The following SLC24A3 variants were observed in gnomAD, a reference collection of about 807,000 sequenced individuals.
SLC24A3 encodes sodium/potassium/calcium exchanger 3.
In SLC24A3, 28 loss-of-function variants were observed where a neutral mutation model predicts 75.8. The observed-to-expected ratio is 0.37, with a 90% CI of 0.27 to 0.51. SLC24A3 has a LOEUF of 0.51. Among genes scored for constraint, SLC24A3 ranks in the 20% least tolerant of loss-of-function variants. SLC24A3 has a pLI of 0.94. For synonymous variants in SLC24A3, 372 were observed against 334.1 expected (o/e 1.11, Z -1.24); for missense variants, 663 against 847.8 (o/e 0.78, Z 2.71).
chr20:19,320,698 A>G (rs1273540542), intron 2 of SLC24A3, among the ~76,000 whole-genome samples: 5 of 152,096 alleles, frequency 3.3e-5, no homozygotes, highest in Non-Finnish European at 5.9e-5. Context: ...TGGGTGCCCA[A>G]ATCCCTGATA....
At chr20:19,477,994 T>C (rs1376873529) in intron 2 of SLC24A3, among the ~76,000 whole-genome samples, 1 of 152,186 alleles carries the variant, frequency 6.6e-6, no homozygotes, top group Non-Finnish European at 1.5e-5. Context: ...TGGACATCAA[T>C]TCCCCCTTTC....
chr20:19,520,290 TC>T (rs1209906977), intron 3 of SLC24A3, among the ~76,000 whole-genome samples: 1 of 152,166 alleles, frequency 6.6e-6, no homozygotes, highest in East Asian at 1.9e-4. Context: ...CCCTGAGATG[TC>T]CCATAGGAAA....
chr20:19,698,589 C>A lies in SLC24A3; in HGVS notation c.1628C>A (p.Ser543Tyr). The A allele has an allele frequency of 1.3e-6, 2 of 1,588,326 alleles. No individual in the cohort carries two copies. The highest frequency in any genetic ancestry group is 1.7e-6 in the Non-Finnish European group (2 of 1,165,120). The change falls in exon 15 of 17, where the codon TCC becomes TAC. Residue 543 changes from serine to tyrosine, a missense_variant. Transcript: ENST00000328041. ...GCAGGGATGGGGGACATGGCTGTGT[C>A]CAACTCCATTGGGAGCAACGTGTTT... is the stretch of plus-strand genomic sequence containing the variant. ...ARQGMGDMAV[S>Y]NSIGSNVFDI... is the part of the protein sequence containing the mutation.
intron 3 of SLC24A3, among the ~76,000 whole-genome samples, chr20:19,545,283 G>A (rs1352661011): frequency 6.6e-6 from 1 of 152,162 alleles, no homozygotes; most frequent in African/African-American, 2.4e-5. Flanking sequence ...CAGCAAGTGT[G>A]GACAAACGCA....
In SLC24A3 at chr20:19,536,508, A is replaced by G. The variant is rs993800658; in HGVS notation, c.348+20944A>G. 1.1e-4 allele frequency among the ~76,000 whole-genome samples: 16 copies of G among 152,230 alleles called. 1 individual carries two copies. The highest frequency in any genetic ancestry group is 7.2e-4 in the Admixed American group (11 of 15,282). ...TCAAGCTACCAATGACTTTCTTCAC[A>G]GAATTGGGAAAAACTACTTTAAAGT... On this transcript the variant is annotated intron_variant, in intron 3 of 16. Transcript: ENST00000328041.
chr20:19,291,136 C>T (rs1332274403), intron 2 of SLC24A3, among the ~76,000 whole-genome samples: 3 of 152,190 alleles, frequency 2.0e-5, no homozygotes, highest in Non-Finnish European at 2.9e-5. Context: ...GGTAACAGGG[C>T]GAGGTGCCCC....
intron 12 of SLC24A3, among the ~76,000 whole-genome samples, chr20:19,686,996 C>G (rs922431394): frequency 9.2e-5 from 14 of 152,218 alleles, no homozygotes; most frequent in Non-Finnish European, 4.4e-5. Context: ...CCTTTCCTCC[C>G]TTGTAAACCC....
intron 2 of SLC24A3, among the ~76,000 whole-genome samples, chr20:19,424,745 C>A (rs6112373): frequency 0.011 from 519 of 49,044 alleles, 9 homozygotes; most frequent in South Asian, 0.015. Context: ...AAAACAACAA[C>A]AAAAAAAAAA....
chr20:19,462,263 C>T (rs1037862584), intron 2 of SLC24A3, among the ~76,000 whole-genome samples: 2 of 145,316 alleles, frequency 1.4e-5, no homozygotes, highest in Non-Finnish European at 3.0e-5. Context: ...AGGCAGATGG[C>T]GGGTGGCTTT....
At chr20:19,314,434 C>G (rs1232482276) in intron 2 of SLC24A3, among the ~76,000 whole-genome samples, 1 of 151,942 alleles carries the variant, frequency 6.6e-6, no homozygotes, top group Non-Finnish European at 1.5e-5. Flanking sequence ...CCCACCTCAG[C>G]CTCCTGAGTA....
intron 2 of SLC24A3, among the ~76,000 whole-genome samples, chr20:19,389,739 T>C (rs2122386695): frequency 6.6e-6 from 1 of 152,346 alleles, no homozygotes; most frequent in Admixed American, 6.5e-5. Flanking sequence ...TATTTGGGGC[T>C]CTTTGGAATT....
chr20:19,310,981 A>G (rs1383876521), intron 2 of SLC24A3, among the ~76,000 whole-genome samples: 2 of 151,806 alleles, frequency 1.3e-5, no homozygotes, highest in Admixed American at 6.6e-5. Flanking sequence ...CCCTCTATGT[A>G]ATCTTCCTTC....
At chr20:19,233,478 A>G (rs922322321) in intron 1 of SLC24A3, among the ~76,000 whole-genome samples, 5 of 152,180 alleles carry the variant, frequency 3.3e-5, no homozygotes, top group East Asian at 1.9e-4. Flanking sequence ...TGTTTTCCAA[A>G]CTTTTCTAAG....
chr20:19,296,217 T>A (rs1418456037), intron 2 of SLC24A3, among the ~76,000 whole-genome samples: 7 of 145,872 alleles, frequency 4.8e-5, no homozygotes, highest in African/African-American at 1.3e-4. Flanking sequence ...CCATTATCAT[T>A]TTTTATTGTG....
intron 2 of SLC24A3, among the ~76,000 whole-genome samples, chr20:19,408,287 A>T (rs1986683660): frequency 6.6e-6 from 1 of 151,638 alleles, no homozygotes; most frequent in African/African-American, 2.4e-5. Flanking sequence ...TTCTATAAAC[A>T]TTTTTTTTAA....
intron 3 of SLC24A3, among the ~76,000 whole-genome samples, chr20:19,570,190 C>T (rs977477075): frequency 7.2e-5 from 11 of 151,988 alleles, no homozygotes; most frequent in African/African-American, 2.2e-4. Context: ...CTTCACATGG[C>T]CAGGAGGAGA....
intron 3 of SLC24A3, among the ~76,000 whole-genome samples, chr20:19,521,791 G>T (rs2030103872): frequency 6.6e-6 from 1 of 152,196 alleles, no homozygotes; most frequent in African/African-American, 2.4e-5. Flanking sequence ...ATAAACTAAT[G>T]ATGCAGTAGC....
intron 3 of SLC24A3, among the ~76,000 whole-genome samples, chr20:19,545,114 G>A (rs1336752792): frequency 5.3e-5 from 8 of 152,162 alleles, no homozygotes; most frequent in African/African-American, 1.9e-4. Flanking sequence ...TGTTTACTAG[G>A]CTCCAAGTGG....
At chr20:19,427,975 C>T (rs1346740454) in intron 2 of SLC24A3, among the ~76,000 whole-genome samples, 1 of 152,240 alleles carries the variant, frequency 6.6e-6, no homozygotes, top group Non-Finnish European at 1.5e-5. Flanking sequence ...CAAAACAGCA[C>T]ATTTGCAGTA....
Sources: allele counts gnomAD v4.1 joint callset (sites outside exome capture counted in the v4.1 genomes callset), GRCh38; gene constraint gnomAD v4.1.1; transcripts MANE v1.5; gene names NCBI Gene and HGNC (gene_info 2026-07-23, HGNC 2026-07-21).